Variants in SNX10 observed in about 807,000 individuals in gnomAD.
The protein encoded by SNX10 is sorting nexin-10.
SNX10 carries 25 observed loss-of-function variants against 28.5 expected under a neutral mutation model. That is an observed-to-expected ratio of 0.88 (90% confidence interval 0.64 to 1.22). The LOEUF (loss-of-function observed/expected upper bound fraction) is 1.22. SNX10 is among the 50% of genes most tolerant of loss of function. SNX10 has a pLI of 0.00. For synonymous variants in SNX10, 62 were observed against 81.4 expected, an observed-to-expected ratio of 0.76 and a Z score of 1.28; for missense variants, 223 against 242.6, an observed-to-expected ratio of 0.92 and a Z score of 0.54.
chr7:26,341,989 T>C (rs1483051363), intron 1 of SNX10, among the ~76,000 whole-genome samples: 1 of 142,252 alleles, frequency 7.0e-6, no homozygotes, highest in African/African-American at 2.6e-5. Flanking sequence ...TTTCTCTCTC[T>C]CTCTCTCTTT....
At chr7:26,303,951 G>A (rs1786472874) in intron 1 of SNX10, among the ~76,000 whole-genome samples, 1 of 152,168 alleles carries the variant, frequency 6.6e-6, no homozygotes, top group Non-Finnish European at 1.5e-5. Context: ...ATTTGACTGT[G>A]GCTTCTTGGG....
intron 2 of SNX10, among the ~76,000 whole-genome samples, chr7:26,353,759 G>A: frequency 6.6e-6 from 1 of 152,062 alleles, no homozygotes; most frequent in East Asian, 1.9e-4. Flanking sequence ...GCCCACACTG[G>A]TAAATTCTAT....
In SNX10 at chr7:26,364,360, CTGT is replaced by C; in HGVS notation, c.112-173_112-171del. On this transcript the variant is annotated intron_variant, in intron 3 of 6. Transcript: ENST00000338523. The surrounding 1 kb of genome is among the most constrained non-coding windows in gnomAD (Gnocchi z 4.9). ...TCCATCATCCTGGCTGTCTTCAGGGCTGTTATGTTCCTGGGTTATGTGCAAGAT... is the reference window on the plus strand; with the variant it reads ...TCCATCATCCTGGCTGTCTTCAGGGCTATGTTCCTGGGTTATGTGCAAGAT... 7.4e-7 allele frequency: 1 copy of C among 1,346,060 alleles called. No individual in the cohort carries two copies. Among genetic ancestry groups the C allele is most frequent in the Non-Finnish European group, 9.5e-7 (1 of 1,049,646 alleles). The allele number at this position is 1,346,060 out of a possible 1,614,324, so 83.4% of individuals were successfully genotyped here. A position where few individuals can be genotyped will look rare whatever the true frequency, so the allele number is the denominator to read the frequency against.
intron 5 of SNX10, 74 bp downstream of exon 5, chr7:26,365,219 G>A (rs1204156435): frequency 1.2e-6 from 1 of 854,546 alleles, no homozygotes; most frequent in Non-Finnish European, 2.0e-6. Context: ...ATGGTGGTGT[G>A]GGGAAGAGTG....
chr7:26,324,259 A>T (rs146769038), intron 1 of SNX10, among the ~76,000 whole-genome samples: 4 of 140,190 alleles, frequency 2.9e-5, no homozygotes, highest in Non-Finnish European at 6.6e-5. Context: ...AATTAAAAAA[A>T]TGTGTGTGAG....
At chr7:26,315,722 G>A (rs913263863) in intron 1 of SNX10, among the ~76,000 whole-genome samples, 6 of 151,856 alleles carry the variant, frequency 4.0e-5, no homozygotes, top group South Asian at 2.1e-4. Flanking sequence ...GCAAGATAGC[G>A]AATATAATAC....
intron 1 of SNX10, among the ~76,000 whole-genome samples, chr7:26,327,611 C>T (rs1787552384): frequency 6.6e-6 from 1 of 152,104 alleles, no homozygotes; most frequent in Non-Finnish European, 1.5e-5. Context: ...GTTGCATCTC[C>T]TCCATTAGGC....
intron 2 of SNX10, among the ~76,000 whole-genome samples, chr7:26,355,935 C>T (rs35070084): frequency 7.9e-5 from 12 of 152,064 alleles, no homozygotes; most frequent in African/African-American, 2.9e-4. Context: ...ATATACTGAG[C>T]TCTGAGGGTT....
intron 1 of SNX10, among the ~76,000 whole-genome samples, chr7:26,300,504 G>T (rs1477219211): frequency 6.6e-6 from 1 of 152,136 alleles, no homozygotes; most frequent in Non-Finnish European, 1.5e-5. Flanking sequence ...GGGCCCTCCT[G>T]CCTAGAGCCT....
At chr7:26,356,568 T>G (rs1427051188) in intron 2 of SNX10, among the ~76,000 whole-genome samples, 1 of 152,184 alleles carries the variant, frequency 6.6e-6, no homozygotes, top group Non-Finnish European at 1.5e-5. Flanking sequence ...TAATTCCTAC[T>G]AATTGCAGAG....
intron 1 of SNX10, among the ~76,000 whole-genome samples, chr7:26,312,744 A>G (rs1254208283): frequency 6.6e-6 from 1 of 152,228 alleles, no homozygotes; most frequent in Non-Finnish European, 1.5e-5. Context: ...AGATCACGCC[A>G]CTGCACTCCA....
At position 26,311,395 on chromosome 7, in the gene SNX10, C is replaced by T. The variant is rs150904537; in HGVS notation, c.-24+19309C>T. On this transcript the variant is annotated intron_variant, in intron 1 of 6. Transcript: ENST00000338523. Reference sequence around the variant, plus strand: ...GGAGCCCCTGGGCTCAAGCGATTCTCCCGCCTCGGCCTCCAAAAGTGCCAC... The same window carrying T: ...GGAGCCCCTGGGCTCAAGCGATTCTTCCGCCTCGGCCTCCAAAAGTGCCAC... Among the ~76,000 whole-genome samples the T allele has an allele frequency of 3.9e-5, 6 of 152,320 alleles. No homozygotes were observed. The South Asian group carries it at 6.2e-4, about 16-fold the overall frequency.
intron 1 of SNX10, among the ~76,000 whole-genome samples, chr7:26,313,738 T>G (rs1250435979): frequency 1.3e-5 from 2 of 152,080 alleles, no homozygotes. Flanking sequence ...AAAAAAAATG[T>G]GAAATTGAGC....
chr7:26,319,690 T>C (rs1189076425), intron 1 of SNX10, among the ~76,000 whole-genome samples: 2 of 152,356 alleles, frequency 1.3e-5, no homozygotes, highest in East Asian at 1.9e-4. Flanking sequence ...GCAGTTCTTA[T>C]TTTGTTTTTC....
intron 5 of SNX10, among the ~76,000 whole-genome samples, chr7:26,365,956 C>T (rs1789272715): frequency 6.6e-6 from 1 of 152,192 alleles, no homozygotes; most frequent in Admixed American, 6.5e-5. Flanking sequence ...GAAGATTAGA[C>T]AAGTTAGTGA....
At chr7:26,363,932 G>A (rs1789186561) in intron 3 of SNX10, among the ~76,000 whole-genome samples, 2 of 152,118 alleles carry the variant, frequency 1.3e-5, no homozygotes, top group African/African-American at 4.8e-5. Context: ...AATTCCGGTC[G>A]GCCTGTCCTC....
intron 1 of SNX10, among the ~76,000 whole-genome samples, chr7:26,343,841 G>C (rs1056118332): frequency 6.6e-6 from 1 of 152,098 alleles, no homozygotes; most frequent in African/African-American, 2.4e-5. Flanking sequence ...TCTGTGTAGA[G>C]GGCCTTTTTC....
intron 1 of SNX10, among the ~76,000 whole-genome samples, chr7:26,314,561 A>G (rs777493289): frequency 1.3e-5 from 2 of 152,176 alleles, no homozygotes; most frequent in African/African-American, 2.4e-5. Context: ...TTTAGTTGTT[A>G]TATTGACTTG....
rs558207387 is a variant in SNX10, at chr7:26,333,614, G to A, written c.-23-12806G>A. Among the ~76,000 whole-genome samples the A allele has an allele frequency of 1.2e-4, 18 of 152,238 alleles. No individual in the cohort carries two copies. In the South Asian group the frequency reaches 2.9e-3, roughly 25 times the overall value. ...GCTGGGATTACAGGCGTGAGCCACC[G>A]CACCCGACTATTTTATTCTTTTGAT... On this transcript the variant is annotated intron_variant, in intron 1 of 6. Coordinates refer to ENST00000338523, the MANE Select transcript of SNX10 (RefSeq NM_013322.3).
Sources: gnomAD v4.1 joint callset for allele counts (sites outside exome capture counted in the v4.1 genomes callset) on GRCh38, gnomAD v4.1.1 for gene constraint, Gnocchi (gnomAD v3.1) non-coding constraint, MANE v1.5 for transcripts, NCBI Gene and HGNC (gene_info 2026-07-23, HGNC 2026-07-21) for gene names.